TRIM61: variants seen among roughly 807,000 people sequenced by gnomAD.
TRIM61 encodes putative tripartite motif-containing protein 61.
In TRIM61, 1 loss-of-function variant was observed where a neutral mutation model predicts 14.2. The ratio of observed to expected loss-of-function variants is 0.07; its 90% CI spans 0.03 to 0.33. TRIM61 has a LOEUF of 0.33. TRIM61 is among the 10% of genes least tolerant of loss of function. TRIM61 has a pLI of 0.99. For synonymous variants in TRIM61, 8 were observed against 71.6 expected (o/e 0.11, Z 4.49); for missense variants, 19 against 202.2 (o/e 0.09, Z 5.49).
intron 3 of TRIM61, chr4:164,957,257 G>A: frequency 6.2e-7 from 1 of 1,614,172 alleles, no homozygotes; most frequent in Non-Finnish European, 8.5e-7. Flanking sequence ...CCAATCCTGG[G>A]AGAAGCGAAT....
chr4:164,961,178 AAAAAAAAAAAAAAAAG>A (rs1732128602), intron 3 of TRIM61, among the ~76,000 whole-genome samples: 2 of 142,994 alleles, frequency 1.4e-5, no homozygotes, highest in Admixed American at 7.0e-5. Context: ...AAAAAAAAAA[AAAAAAAAAAAAAAAAG>A]AAAGAAAAAT....
In TRIM61 at chr4:164,977,627, T is replaced by G. The variant is rs1732511027; in HGVS notation, c.-572A>C. 6.6e-6 allele frequency: 1 copy of G among 152,090 alleles called. No individual in the cohort carries two copies. Among genetic ancestry groups the G allele is most frequent in the Admixed American group, 6.6e-5 (1 of 15,266 alleles). The allele number at this position is 152,090 out of a possible 1,614,324, so 9.4% of individuals were successfully genotyped here. A position where few individuals can be genotyped will look rare whatever the true frequency, so the allele number is the denominator to read the frequency against. On this transcript the variant is annotated 5_prime_UTR_variant, in exon 1 of 5. Transcript: ENST00000329314. ...CATACCCCAACCCCACCAAGTGGGC[T>G]GCTTCCTGCCTGGGGCTCAGCCTGC...
At chr4:164,961,029 C>T (rs1267338772) in intron 3 of TRIM61, among the ~76,000 whole-genome samples, 1 of 148,976 alleles carries the variant, frequency 6.7e-6, no homozygotes, top group East Asian at 2.0e-4. Context: ...ACAAAAGAAA[C>T]AAAAAACAAA....
chr4:164,967,790 A>G (rs945748439), intron 3 of TRIM61, among the ~76,000 whole-genome samples: 2 of 151,934 alleles, frequency 1.3e-5, no homozygotes, highest in Non-Finnish European at 2.9e-5. Context: ...GCTTGAGGCC[A>G]CAAGTTCAAC....
chr4:164,956,095 T>G (rs531849564), intron 3 of TRIM61, among the ~76,000 whole-genome samples: 2 of 152,366 alleles, frequency 1.3e-5, no homozygotes, highest in Admixed American at 6.5e-5. Flanking sequence ...AGACAAGCTC[T>G]CGTTCTGTCG....
chr4:164,974,315 A>G (rs1454736398), intron 2 of TRIM61, among the ~76,000 whole-genome samples: 1 of 152,260 alleles, frequency 6.6e-6, no homozygotes, highest in African/African-American at 2.4e-5. Context: ...CTAATTTTGG[A>G]GTAAGACAGA....
rs1732296139 is a variant in TRIM61, at chr4:164,968,705, T to C, written c.525+773A>G. ...AAAAGTATAGAGAAGAGATCTATCA[T>C]TCAAATTATAAAAGGAAACTTCATT... On this transcript the variant is annotated intron_variant, in intron 3 of 4. Coordinates refer to ENST00000329314, the MANE Select transcript of TRIM61 (RefSeq NM_001012414.3). 3.0e-6 allele frequency: 3 copies of C among 984,326 alleles called. No homozygotes were observed. The South Asian group carries it at 1.4e-4, about 46-fold the overall frequency. The allele number at this position is 984,326 out of a possible 1,614,324, so 61.0% of individuals were successfully genotyped here.
chr4:164,964,146 G>A (rs1200101042), intron 3 of TRIM61, among the ~76,000 whole-genome samples: 1 of 151,652 alleles, frequency 6.6e-6, no homozygotes, highest in Admixed American at 6.6e-5. Flanking sequence ...TCAGGAAATC[G>A]AGACCATCCT....
chr4:164,968,621 G>A (rs779846552), intron 3 of TRIM61: 3 of 985,646 alleles, frequency 3.0e-6, no homozygotes, highest in Non-Finnish European at 3.6e-6. Flanking sequence ...AATTTTAAGA[G>A]GTTTTGAGTC....
chr4:164,975,228 C>T (rs1202211101), intron 2 of TRIM61, among the ~76,000 whole-genome samples: 2 of 146,244 alleles, frequency 1.4e-5, no homozygotes, highest in African/African-American at 5.1e-5. Context: ...AAAACTCCAT[C>T]TTAAAAAAAA....
intron 3 of TRIM61, chr4:164,957,162 A>G: frequency 6.2e-7 from 1 of 1,611,794 alleles, no homozygotes; most frequent in Non-Finnish European, 8.5e-7. Context: ...AACAGACCTT[A>G]TACGCTGACC....
chr4:164,966,682 G>A (rs1017308563), intron 3 of TRIM61, among the ~76,000 whole-genome samples: 6 of 152,192 alleles, frequency 3.9e-5, no homozygotes, highest in African/African-American at 1.4e-4. Flanking sequence ...GGAGGCCGGA[G>A]TGGGTGGATC....
At chr4:164,977,292 T>G (rs1304102853) in intron 1 of TRIM61, among the ~76,000 whole-genome samples, 4 of 152,130 alleles carry the variant, frequency 2.6e-5, no homozygotes, top group African/African-American at 9.7e-5. Context: ...ACATAGCCAC[T>G]TCATAAACCC....
At position 164,972,727 on chromosome 4, in the gene TRIM61, G is replaced by C. The variant is rs1732397134; in HGVS notation, c.-337-2388C>G. 2.0e-5 allele frequency among the ~76,000 whole-genome samples: 3 copies of C among 152,310 alleles called. No homozygotes were observed. In the South Asian group the frequency reaches 6.2e-4, roughly 32 times the overall value. On this transcript the variant is annotated intron_variant, in intron 2 of 4. Transcript: ENST00000329314. The stretch of plus-strand genomic sequence containing the variant: ...TGGTCTTGAACTCTGGACTCCAAGT[G>C]ATCGGCCCACCTTGGCCTCCCAAAG...
At chr4:164,971,553 C>T (rs1214944669) in intron 2 of TRIM61, among the ~76,000 whole-genome samples, 1 of 148,768 alleles carries the variant, frequency 6.7e-6, no homozygotes, top group African/African-American at 2.5e-5. Context: ...ATCGTACCAT[C>T]GCACTCCAGC....
chr4:164,972,383 G>C (rs775995145), intron 2 of TRIM61, among the ~76,000 whole-genome samples: 10 of 151,412 alleles, frequency 6.6e-5, no homozygotes, highest in African/African-American at 9.8e-5. Flanking sequence ...ATCCAAACAA[G>C]AGCCATGTAT....
rs1172467704 is a variant in TRIM61, at chr4:164,976,824, T to C, written c.-474A>G. On this transcript the variant is annotated splice_region_variant and 5_prime_UTR_variant, in exon 2 of 5. Transcript: ENST00000329314. ...CTGCGGACTGTACTTTGTGAACCTA[T>C]GCTTTAAGGAAAACAAAGCAAAAAG... 6.6e-6 allele frequency: 1 copy of C among 152,198 alleles called. No individual in the cohort carries two copies. The highest frequency in any genetic ancestry group is 1.5e-5 in the Non-Finnish European group (1 of 68,034). The allele number at this position is 152,198 out of a possible 1,614,324, so 9.4% of individuals were successfully genotyped here. A position where few individuals can be genotyped will look rare whatever the true frequency, so the allele number is the denominator to read the frequency against.
At chr4:164,967,791 C>T (rs1293776593) in intron 3 of TRIM61, among the ~76,000 whole-genome samples, 1 of 150,040 alleles carries the variant, frequency 6.7e-6, no homozygotes, top group African/African-American at 2.5e-5. Context: ...CTTGAGGCCA[C>T]AAGTTCAACA....
intron 3 of TRIM61, among the ~76,000 whole-genome samples, chr4:164,964,980 G>A (rs1259120104): frequency 1.3e-5 from 2 of 152,080 alleles, no homozygotes; most frequent in Non-Finnish European, 2.9e-5. Context: ...GATGTGTAAT[G>A]TTCTCTGAAT....
Sources: gnomAD v4.1 joint callset for allele counts (sites outside exome capture counted in the v4.1 genomes callset) on GRCh38, gnomAD v4.1.1 for gene constraint, MANE v1.5 for transcripts, NCBI Gene and HGNC (gene_info 2026-07-23, HGNC 2026-07-21) for gene names.